PCOLCE2: variants seen among roughly 807,000 people sequenced by gnomAD.
PCOLCE2 encodes the protein procollagen C-proteinase enhancer 2.
PCOLCE2 carries 42 observed loss-of-function variants against 47.0 expected under a neutral mutation model. That is an observed-to-expected ratio of 0.89 (90% confidence interval 0.70 to 1.16). PCOLCE2 has a LOEUF of 1.16. Among genes scored for constraint, PCOLCE2 ranks in the 50% most tolerant of loss-of-function variants. The pLI is 0.00. For synonymous variants in PCOLCE2, 169 were observed against 191.7 expected (o/e 0.88, Z 0.98); for missense variants, 500 against 526.1 (o/e 0.95, Z 0.49).
Position 142,829,860 on chromosome 3 carries a change from A to C in PCOLCE2, c.711-14T>G. On this transcript the variant is annotated splice_polypyrimidine_tract_variant and intron_variant, in intron 5 of 8. Transcript: ENST00000295992. ...GACACAATTGGCCTAAAAAAAGAAAAATGTGTTTTTTTATAAATACTTAAA... is the reference window on the plus strand; with the variant it reads ...GACACAATTGGCCTAAAAAAAGAAACATGTGTTTTTTTATAAATACTTAAA... 1.3e-6 allele frequency: 2 copies of C among 1,504,124 alleles called. No individual in the cohort carries two copies. Among genetic ancestry groups the C allele is most frequent in the Non-Finnish European group, 1.8e-6 (2 of 1,106,888 alleles). The allele number at this position is 1,504,124 out of a possible 1,614,324, so 93.2% of individuals were successfully genotyped here. A position where few individuals can be genotyped will look rare whatever the true frequency, so the allele number is the denominator to read the frequency against.
intron 2 of PCOLCE2, among the ~76,000 whole-genome samples, chr3:142,881,705 GT>G (rs1180804024): frequency 6.6e-6 from 1 of 152,114 alleles, no homozygotes; most frequent in East Asian, 1.9e-4. Flanking sequence ...TAAAAATATG[GT>G]AATATAATCT....
At chr3:142,861,887 G>A (rs1933188983) in intron 2 of PCOLCE2, among the ~76,000 whole-genome samples, 1 of 152,246 alleles carries the variant, frequency 6.6e-6, no homozygotes, top group Admixed American at 6.5e-5. Flanking sequence ...TTTCTCAAGG[G>A]CTGTTCATTT....
chr3:142,887,398 A>C (rs1213419321), intron 2 of PCOLCE2: 1 of 297,024 alleles, frequency 3.4e-6, no homozygotes, highest in Non-Finnish European at 6.2e-6. Context: ...TATAAAACTC[A>C]ACTGAGTCAC....
intron 2 of PCOLCE2, among the ~76,000 whole-genome samples, chr3:142,869,332 A>G (rs936541588): frequency 6.6e-6 from 1 of 152,030 alleles, no homozygotes; most frequent in Non-Finnish European, 1.5e-5. Flanking sequence ...AAGACTGACA[A>G]AACAGACTCT....
At chr3:142,882,235 C>T (rs1373952631) in intron 2 of PCOLCE2, among the ~76,000 whole-genome samples, 4 of 152,122 alleles carry the variant, frequency 2.6e-5, no homozygotes, top group South Asian at 2.1e-4. Context: ...GGTCTCTTTA[C>T]GTTGTTCAGG....
chr3:142,833,172 G>A (rs1937169306), intron 5 of PCOLCE2, among the ~76,000 whole-genome samples: 1 of 152,072 alleles, frequency 6.6e-6, no homozygotes, highest in Non-Finnish European at 1.5e-5. Context: ...AGGGTACAGT[G>A]TGCATTTTTT....
At chr3:142,868,907 C>T (rs920144471) in intron 2 of PCOLCE2, among the ~76,000 whole-genome samples, 2 of 152,160 alleles carry the variant, frequency 1.3e-5, no homozygotes, top group Non-Finnish European at 2.9e-5. Flanking sequence ...TTTTGCGGCA[C>T]CAAAACTTTA....
chr3:142,846,661 A>C (rs1560134585), intron 3 of PCOLCE2: 1 of 152,076 alleles, frequency 6.6e-6, no homozygotes, highest in Non-Finnish European at 1.5e-5. Context: ...CTTTTTCTTC[A>C]ATCTTTTTCC....
At chr3:142,848,555 A>T in intron 2 of PCOLCE2, 83 bp from the exon 3 acceptor site, 1 of 1,195,896 alleles carries the variant, frequency 8.4e-7, no homozygotes, top group Non-Finnish European at 1.2e-6. Context: ...TTAAGTGTGT[A>T]AAGTATAATA....
chr3:142,860,134 T>C (rs1463906073), intron 2 of PCOLCE2, among the ~76,000 whole-genome samples: 2 of 152,220 alleles, frequency 1.3e-5, no homozygotes, highest in Non-Finnish European at 2.9e-5. Flanking sequence ...CCTTGCCCTC[T>C]TCCTGCCCCT....
At chr3:142,863,190 G>A (rs1298032373) in intron 2 of PCOLCE2, among the ~76,000 whole-genome samples, 1 of 151,442 alleles carries the variant, frequency 6.6e-6, no homozygotes, top group Non-Finnish European at 1.5e-5. Context: ...ATGTGGCAGA[G>A]GCCAGATGTC....
Position 142,842,839 on chromosome 3 carries a change from A to G in PCOLCE2, c.573+85T>C. On this transcript the variant is annotated intron_variant, in intron 4 of 8. Transcript: ENST00000295992. This position sits in a 1 kb window ranked among gnomAD's most constrained non-coding sequence, Gnocchi z 4.1. ...CCTTAGCTCTCGAATAGCCCCCACA[A>G]CAGGAGGCTCTTGAGAGTTGGTGGG... 2 of 1,345,562 alleles carry G rather than the reference A, an allele frequency of 1.5e-6. No homozygotes were observed. The highest frequency in any genetic ancestry group is 3.6e-5 in the Admixed American group (2 of 56,154). 83.4% of individuals were successfully genotyped at this position (1,345,562 alleles called of 1,614,324 possible).
At position 142,842,196 on chromosome 3, in the gene PCOLCE2, T is replaced by C. The variant is rs1229089961; in HGVS notation, c.573+728A>G. On this transcript the variant is annotated intron_variant, in intron 4 of 8. Transcript: ENST00000295992. The surrounding 1 kb of genome is among the most constrained non-coding windows in gnomAD (Gnocchi z 4.1). Reference sequence around the variant, plus strand: ...GTTGAGGCAAAGCATCCACACTTTTTTATTTAGTCACTAGAATAACTATTA... The same window carrying C: ...GTTGAGGCAAAGCATCCACACTTTTCTATTTAGTCACTAGAATAACTATTA... Among the ~76,000 whole-genome samples the C allele has an allele frequency of 6.6e-6, 1 of 152,188 alleles. No individual in the cohort carries two copies. Among genetic ancestry groups the C allele is most frequent in the African/African-American group, 2.4e-5 (1 of 41,436 alleles).
intron 2 of PCOLCE2, among the ~76,000 whole-genome samples, chr3:142,862,641 A>C (rs1033058684): frequency 6.6e-6 from 1 of 152,206 alleles, no homozygotes; most frequent in African/African-American, 2.4e-5. Flanking sequence ...CTGTATTTGT[A>C]GGTTATCTAG....
At chr3:142,843,186 C>CT (rs1157737076) in intron 3 of PCOLCE2, 138 bp from the exon 4 acceptor site, 9 of 816,470 alleles carry the variant, frequency 1.1e-5, no homozygotes, top group Non-Finnish European at 1.9e-5. Context: ...TACATTTTCT[C>CT]TTAAACATAT....
intron 6 of PCOLCE2, chr3:142,827,701 C>T (rs553815907): frequency 3.1e-5 from 33 of 1,069,944 alleles, no homozygotes; most frequent in South Asian, 1.6e-4. Flanking sequence ...TGGGGAGGGG[C>T]GCGCTGTGAC....
Position 142,828,209 on chromosome 3 carries a change from G to C in PCOLCE2, c.865+1483C>G, listed in dbSNP as rs1209961929. On this transcript the variant is annotated intron_variant, in intron 6 of 8. Coordinates refer to ENST00000295992, the MANE Select transcript of PCOLCE2 (RefSeq NM_013363.4). ...CATAGGATAAACACAAAAATACTTA[G>C]AGCATAGGAGAGAGTTTGCAAGGCC... Among the ~76,000 whole-genome samples the C allele has an allele frequency of 4.6e-5, 7 of 152,136 alleles. No homozygotes were observed. The East Asian group carries it at 1.3e-3, about 29-fold the overall frequency.
chr3:142,871,575 G>A (rs1049163333), intron 2 of PCOLCE2, among the ~76,000 whole-genome samples: 4 of 152,158 alleles, frequency 2.6e-5, no homozygotes, highest in Admixed American at 6.5e-5. Flanking sequence ...GATTATCCTC[G>A]ATAATGTGGG....
At chr3:142,849,007 G>A (rs1937361532) in intron 2 of PCOLCE2, among the ~76,000 whole-genome samples, 1 of 152,034 alleles carries the variant, frequency 6.6e-6, no homozygotes, top group Admixed American at 6.6e-5. Flanking sequence ...CAAAAGATTA[G>A]CCGGGTGTGG....
Sources: allele counts gnomAD v4.1 joint callset (sites outside exome capture counted in the v4.1 genomes callset), GRCh38; gene constraint gnomAD v4.1.1; non-coding constraint Gnocchi (gnomAD v3.1); transcripts MANE v1.5; gene names NCBI Gene and HGNC (gene_info 2026-07-23, HGNC 2026-07-21).